PDGFRA: variants seen among roughly 807,000 people sequenced by gnomAD.
PDGFRA encodes the protein platelet-derived growth factor receptor alpha.
A neutral mutation model predicts 121.5 loss-of-function variants in PDGFRA; 25 were observed. The ratio of observed to expected loss-of-function variants is 0.21; its 90% CI spans 0.15 to 0.29. The LOEUF (loss-of-function observed/expected upper bound fraction) is 0.29, where lower values mean the gene tolerates loss of function less well. Among genes scored for constraint, PDGFRA ranks in the 10% least tolerant of loss-of-function variants. The pLI, the probability that PDGFRA is intolerant of heterozygous loss-of-function variation, is 1.00. For synonymous variants in PDGFRA, 463 were observed against 494.8 expected, an observed-to-expected ratio of 0.94 and a Z score of 0.85; for missense variants, 1,008 against 1,345.1, an observed-to-expected ratio of 0.75 and a Z score of 3.92.
rs555403105 is a variant in PDGFRA at position 54,274,393 on chromosome 4, T to TA, written c.1559-134dup. ...TTTGAGAGATGGTACTGCCTATCCC[T>TA]AAAATGAACCAGGCAGCCCTCACAC... is the stretch of plus-strand genomic sequence containing the variant. On this transcript the variant is annotated intron_variant, in intron 10 of 22. Transcript: ENST00000257290. The TA allele has an allele frequency of 1.3e-3, 917 of 720,212 alleles. 3 individuals are homozygous for TA. Among genetic ancestry groups the TA allele is most frequent in the Non-Finnish European group, 1.5e-3 (615 of 397,246 alleles). 44.6% of individuals were successfully genotyped at this position (720,212 alleles called of 1,614,324 possible). A position where few individuals can be genotyped will look rare whatever the true frequency, so the allele number is the denominator to read the frequency against.
chr4:54,272,959 A>G (rs1328666045), intron 9 of PDGFRA, among the ~76,000 whole-genome samples: 1 of 152,142 alleles, frequency 6.6e-6, no homozygotes, highest in Non-Finnish European at 1.5e-5. Flanking sequence ...CACTTCATCC[A>G]TGGTAACTGG....
intron 16 of PDGFRA, chr4:54,281,640 G>C: frequency 7.4e-7 from 1 of 1,360,052 alleles, no homozygotes; most frequent in Non-Finnish European, 9.7e-7. Context: ...TCAGGCCCAA[G>C]CCCTGTTGGC....
At chr4:54,234,712 G>A (rs765599117) in intron 1 of PDGFRA, among the ~76,000 whole-genome samples, 43 of 152,152 alleles carry the variant, frequency 2.8e-4, no homozygotes, top group Middle Eastern at 6.8e-3. Context: ...GTAGTGGGGG[G>A]GCATTGATGT....
Position 54,278,018 on chromosome 4 carries a change from G to C in PDGFRA, c.2002+12G>C, listed in dbSNP as rs773676290. Reference sequence around the variant, plus strand: ...CTGCACCAAGTCAGGTGGGCTCACTGACCTGGAGTGAGGATTTTCACTGGA... The same window carrying C: ...CTGCACCAAGTCAGGTGGGCTCACTCACCTGGAGTGAGGATTTTCACTGGA... On this transcript the variant is annotated intron_variant, in intron 14 of 22. Transcript: ENST00000257290. 1 of 1,484,804 alleles carries C rather than the reference G, an allele frequency of 6.7e-7. No individual in the cohort carries two copies. The highest frequency in any genetic ancestry group is 9.4e-7 in the Non-Finnish European group (1 of 1,062,352). The allele number at this position is 1,484,804 out of a possible 1,614,324, so 92.0% of individuals were successfully genotyped here. A position where few individuals can be genotyped will look rare whatever the true frequency, so the allele number is the denominator to read the frequency against.
chr4:54,237,594 A>G (rs1721083897), intron 1 of PDGFRA, among the ~76,000 whole-genome samples: 1 of 152,182 alleles, frequency 6.6e-6, no homozygotes, highest in South Asian at 2.1e-4. Context: ...CATTACTGCT[A>G]ATTGTGGTAA....
At chr4:54,293,947 C>T (rs1476041519) in intron 22 of PDGFRA, among the ~76,000 whole-genome samples, 2 of 80,892 alleles carry the variant, frequency 2.5e-5, no homozygotes, top group African/African-American at 8.5e-5. Context: ...GTGTGTTTTC[C>T]TCTTCTTTCC....
rs537938810 is a variant in PDGFRA, at chr4:54,260,813, A to G, written c.50-282A>G. Among the ~76,000 whole-genome samples, 112 of 152,268 alleles carry G rather than the reference A, an allele frequency of 7.4e-4. 1 individual carries two copies. The highest frequency in any genetic ancestry group is 6.8e-3 in the Middle Eastern group (2 of 294). On this transcript the variant is annotated intron_variant, in intron 2 of 22. Coordinates refer to ENST00000257290, the MANE Select transcript of PDGFRA (RefSeq NM_006206.6). ...CTTGGGATATTTTATGGTTACACAT[A>G]AGAGTCTGAAATATGGAATTGGAAT...
rs1272689171 is a variant in PDGFRA, at chr4:54,297,143, AT to A, written c.*1873del. On this transcript the variant is annotated 3_prime_UTR_variant, in exon 23 of 23. Coordinates refer to ENST00000257290, the MANE Select transcript of PDGFRA (RefSeq NM_006206.6). Reference sequence around the variant, plus strand: ...AATTTGAGGTTAGATGGGAGGATGAATTGTCACATCTATCCACACTGTCAAA... The same window carrying A: ...AATTTGAGGTTAGATGGGAGGATGAATGTCACATCTATCCACACTGTCAAA... 2 of 233,352 alleles carry A rather than the reference AT, an allele frequency of 8.6e-6. No homozygotes were observed. The highest frequency in any genetic ancestry group is 1.1e-4 in the Admixed American group (2 of 17,774). The allele number at this position is 233,352 out of a possible 1,614,324, so 14.5% of individuals were successfully genotyped here. A position where few individuals can be genotyped will look rare whatever the true frequency, so the allele number is the denominator to read the frequency against.
intron 9 of PDGFRA, 110 bp downstream of exon 9, chr4:54,272,630 T>C (rs1723469936): frequency 1.6e-6 from 2 of 1,236,566 alleles, no homozygotes; most frequent in South Asian, 2.5e-5. Flanking sequence ...GTTTTGGGTG[T>C]GATAGCTTCA....
Position 54,274,614 on chromosome 4 carries a change from AT to A in PDGFRA, c.1645del (p.Trp549GlyfsTer45). On this transcript the variant is annotated frameshift_variant, in exon 11 of 23. Coordinates refer to ENST00000257290, the MANE Select transcript of PDGFRA (RefSeq NM_006206.6). LOFTEE classifies it high-confidence loss of function. ...CATCTCACTTATTGTCCTGGTTGTCATTTGGAAACAGGTAGATATTTTCTCA... is the reference window on the plus strand; with the variant it reads ...CATCTCACTTATTGTCCTGGTTGTCATTGGAAACAGGTAGATATTTTCTCA... ...VIISLIVLVV[I>X]WKQKPRYEIR... The A allele has an allele frequency of 6.2e-7, 1 of 1,611,330 alleles. No individual in the cohort carries two copies. Among genetic ancestry groups the A allele is most frequent in the Non-Finnish European group, 8.5e-7 (1 of 1,177,432 alleles).
chr4:54,256,610 T>A (rs989553664), intron 1 of PDGFRA, among the ~76,000 whole-genome samples: 3 of 151,774 alleles, frequency 2.0e-5, no homozygotes, highest in Admixed American at 2.0e-4. Flanking sequence ...AATGGTGCGA[T>A]CTCAGCTCAC....
intron 1 of PDGFRA, among the ~76,000 whole-genome samples, chr4:54,248,561 T>C (rs1300905475): frequency 6.6e-6 from 1 of 152,076 alleles, no homozygotes; most frequent in Non-Finnish European, 1.5e-5. Flanking sequence ...ATACAAAAAT[T>C]AATTCAAGAT....
intron 9 of PDGFRA, among the ~76,000 whole-genome samples, chr4:54,273,079 G>A (rs1723491547): frequency 6.6e-6 from 1 of 152,178 alleles, no homozygotes; most frequent in South Asian, 2.1e-4. Context: ...GTAGATTCCA[G>A]TGTGGAGCAG....
chr4:54,277,389 T>C lies in PDGFRA; in HGVS notation c.1788T>C (p.Gly596=), dbSNP rs2110308164. Residue 596 remains glycine (G), a splice_region_variant and synonymous_variant, in exon 13 of 23, where the codon GGT becomes GGC. Coordinates refer to ENST00000257290, the MANE Select transcript of PDGFRA (RefSeq NM_006206.6). ...GTTAATGATTCTGCCTGCCCACAGG[T>C]CGGGTCTTGGGGTCTGGAGCGTTTG... ...WEFPRDGLVL[G]RVLGSGAFGK... 6.2e-7 allele frequency: 1 copy of C among 1,612,398 alleles called. No homozygotes were observed. Among genetic ancestry groups the C allele is most frequent in the Non-Finnish European group, 8.5e-7 (1 of 1,178,686 alleles).
intron 16 of PDGFRA, chr4:54,281,528 A>G (rs935756836): frequency 1.6e-6 from 2 of 1,225,666 alleles, no homozygotes; most frequent in East Asian, 4.0e-5. Context: ...TATCGGAACC[A>G]GTACTTCCTC....
chr4:54,285,256 C>T, intron 16 of PDGFRA, 115 bp from the exon 17 acceptor site: 1 of 710,130 alleles, frequency 1.4e-6, no homozygotes, highest in Non-Finnish European at 2.6e-6. Flanking sequence ...GAGATCTAAA[C>T]ATTCTACAAA....
chr4:54,281,898 T>TG, intron 16 of PDGFRA: 2 of 1,147,900 alleles, frequency 1.7e-6, no homozygotes, highest in Non-Finnish European at 2.2e-6. Flanking sequence ...ATGTGATTGG[T>TG]GGTTGATTTT....
rs950597 is a variant in PDGFRA, at chr4:54,284,745, G to A, written c.2324-626G>A. On this transcript the variant is annotated intron_variant, in intron 16 of 22. Coordinates refer to ENST00000257290, the MANE Select transcript of PDGFRA (RefSeq NM_006206.6). ...CACCAGGCCCCACCTCCAATACTGG[G>A]GATTACACTTCAACATGAGATTTGG... 6.4e-3 allele frequency among the ~76,000 whole-genome samples: 975 copies of A among 151,978 alleles called. 10 individuals carry two copies. The highest frequency in any genetic ancestry group is 0.022 in the African/African-American group (925 of 41,428).
At chr4:54,239,208 G>C (rs1405492706) in intron 1 of PDGFRA, among the ~76,000 whole-genome samples, 3 of 152,178 alleles carry the variant, frequency 2.0e-5, no homozygotes, top group African/African-American at 7.2e-5. Flanking sequence ...AAAAAGGGGA[G>C]GAACCCTCAG....
Sources: gnomAD v4.1 joint callset for allele counts (sites outside exome capture counted in the v4.1 genomes callset) on GRCh38, gnomAD v4.1.1 for gene constraint, MANE v1.5 for transcripts, NCBI Gene and HGNC (gene_info 2026-07-23, HGNC 2026-07-21) for gene names.